SAMD5: variants seen among roughly 807,000 people sequenced by gnomAD.
SAMD5 encodes sterile alpha motif domain-containing protein 5.
In SAMD5, 13 loss-of-function variants were observed where a neutral mutation model predicts 11.3. The ratio of observed to expected loss-of-function variants is 1.15; its 90% confidence interval spans 0.75 to 1.83. The LOEUF (loss-of-function observed/expected upper bound fraction) is 1.83, where lower values mean the gene tolerates loss of function less well. Ranked by LOEUF, SAMD5 falls within the 40% of genes most tolerant of loss-of-function variation. The pLI is 0.00. For synonymous variants in SAMD5, 129 were observed against 111.3 expected (o/e 1.16, Z -1.00); for missense variants, 255 against 239.1 (o/e 1.07, Z -0.44).
At chr6:147,922,400 G>A in the SAMD5 span, among the ~76,000 whole-genome samples, 1 of 152,154 alleles carries the variant, frequency 6.6e-6, no homozygotes, top group Non-Finnish European at 1.5e-5. Flanking sequence ...ACCTCGTAAT[G>A]TGGGGAAAAA....
At chr6:147,786,269 A>G in the SAMD5 span, among the ~76,000 whole-genome samples, 2 of 152,202 alleles carry the variant, frequency 1.3e-5, no homozygotes, top group South Asian at 2.1e-4. Flanking sequence ...TGGATTGCCT[A>G]TGCTTCTGTT....
intron 1 of SAMD5, among the ~76,000 whole-genome samples, chr6:147,643,078 G>C (rs1053140804): frequency 6.6e-6 from 1 of 152,132 alleles, no homozygotes; most frequent in African/African-American, 2.4e-5. Context: ...TACTTCAGCT[G>C]CTTTACATCT....
the SAMD5 span, among the ~76,000 whole-genome samples, chr6:147,843,967 G>A: frequency 6.6e-6 from 1 of 151,990 alleles, no homozygotes; most frequent in Non-Finnish European, 1.5e-5. Context: ...AAAAGCACAA[G>A]CAACAAAAGC....
At chr6:147,882,723 G>A in the SAMD5 span, among the ~76,000 whole-genome samples, 3 of 152,104 alleles carry the variant, frequency 2.0e-5, no homozygotes, top group Admixed American at 6.5e-5. Flanking sequence ...GCCGGTGTGA[G>A]GACCAATAAA....
chr6:147,760,445 T>C, the SAMD5 span, among the ~76,000 whole-genome samples: 3 of 152,118 alleles, frequency 2.0e-5, no homozygotes, highest in East Asian at 5.8e-4. Flanking sequence ...TAAAAGGAAG[T>C]AACAAATTCA....
the SAMD5 span, among the ~76,000 whole-genome samples, chr6:147,754,711 T>C: frequency 6.6e-6 from 1 of 152,196 alleles, no homozygotes; most frequent in Non-Finnish European, 1.5e-5. Context: ...GATTTAAGTC[T>C]TTAATCTATT....
chr6:147,642,219 C>T (rs961040840), intron 1 of SAMD5, among the ~76,000 whole-genome samples: 1 of 152,144 alleles, frequency 6.6e-6, no homozygotes, highest in Non-Finnish European at 1.5e-5. Context: ...AAGTCCATTT[C>T]CTCTTTCTTA....
chr6:147,672,983 A>G (rs1315159286), intron 1 of SAMD5, among the ~76,000 whole-genome samples: 1 of 152,112 alleles, frequency 6.6e-6, no homozygotes, highest in Non-Finnish European at 1.5e-5. Flanking sequence ...TAGGTAAGTG[A>G]TAGCTTTAAT....
At chr6:147,939,518 AG>A in the SAMD5 span, among the ~76,000 whole-genome samples, 1 of 152,220 alleles carries the variant, frequency 6.6e-6, no homozygotes, top group Non-Finnish European at 1.5e-5. Flanking sequence ...AGAAATTCCA[AG>A]GCATTAGGAA....
chr6:147,628,652 A>AT (rs60624088), intron 1 of SAMD5, among the ~76,000 whole-genome samples: 5,949 of 152,042 alleles, frequency 0.039, 214 homozygotes, highest in African/African-American at 0.093. Flanking sequence ...AACAGAAAGG[A>AT]TTTTTTTTCA....
chr6:147,661,786 T>C (rs1790651903), intron 1 of SAMD5, among the ~76,000 whole-genome samples: 2 of 152,192 alleles, frequency 1.3e-5, no homozygotes, highest in South Asian at 2.1e-4. Context: ...CCTGCCACCA[T>C]GCCCGGCTAA....
chr6:147,804,394 G>A, the SAMD5 span, among the ~76,000 whole-genome samples: 1 of 152,168 alleles, frequency 6.6e-6, no homozygotes, highest in Non-Finnish European at 1.5e-5. Context: ...ACAGGCGTGA[G>A]CCACTGCGCC....
chr6:147,841,117 G>T, the SAMD5 span, among the ~76,000 whole-genome samples: 1,422 of 152,344 alleles, frequency 9.3e-3, 15 homozygotes, highest in African/African-American at 0.033. Context: ...GAATTTAAGA[G>T]ACAACTCTGG....
the SAMD5 span, among the ~76,000 whole-genome samples, chr6:147,760,212 G>T: frequency 6.6e-6 from 1 of 152,122 alleles, no homozygotes; most frequent in African/African-American, 2.4e-5. Flanking sequence ...TGATGAAAAT[G>T]GTGCCTCATT....
the SAMD5 span, among the ~76,000 whole-genome samples, chr6:147,823,649 A>G: frequency 6.6e-6 from 1 of 152,126 alleles, no homozygotes; most frequent in Non-Finnish European, 1.5e-5. Flanking sequence ...CTTAAAAAGT[A>G]CCAAAAAAAA....
the SAMD5 span, among the ~76,000 whole-genome samples, chr6:147,814,303 A>G: frequency 6.6e-6 from 1 of 152,178 alleles, no homozygotes; most frequent in Admixed American, 6.5e-5. Flanking sequence ...TATATATTTT[A>G]TAAGTATATT....
chr6:147,593,563 T>C (rs1387804716), intron 1 of SAMD5, among the ~76,000 whole-genome samples: 1 of 152,244 alleles, frequency 6.6e-6, no homozygotes, highest in Non-Finnish European at 1.5e-5. Context: ...TATTGAAGTG[T>C]TAGTATTAGT....
chr6:147,601,438 G>T (rs1349340030), intron 1 of SAMD5, among the ~76,000 whole-genome samples: 3 of 151,598 alleles, frequency 2.0e-5, no homozygotes, highest in South Asian at 2.1e-4. Flanking sequence ...CTCATGTAAG[G>T]ACTTAATTTA....
the SAMD5 span, among the ~76,000 whole-genome samples, chr6:147,884,749 C>A: frequency 6.6e-6 from 1 of 152,112 alleles, no homozygotes; most frequent in Non-Finnish European, 1.5e-5. Context: ...ATTATACAAA[C>A]ACTAATTACC....
Sources: gnomAD v4.1 joint callset for allele counts (sites outside exome capture counted in the v4.1 genomes callset) on GRCh38, gnomAD v4.1.1 for gene constraint, MANE v1.5 for transcripts, NCBI Gene and HGNC (gene_info 2026-07-23, HGNC 2026-07-21) for gene names.